Variants in FERMT2 observed in about 807,000 individuals in gnomAD.
The protein encoded by FERMT2 is FERM domain containing kindlin 2.
In FERMT2, 15 loss-of-function variants were observed where a neutral mutation model predicts 82.7. That is an observed-to-expected ratio of 0.18 (90% CI 0.12 to 0.28). FERMT2 has a LOEUF of 0.28. FERMT2 is among the 10% of genes least tolerant of loss of function. FERMT2 has a pLI of 1.00. For missense variants in FERMT2, 645 were observed against 809.4 expected, an observed-to-expected ratio of 0.80 and a Z score of 2.46; for synonymous variants, 274 against 271.5, an observed-to-expected ratio of 1.01 and a Z score of -0.09.
At chr14:52,881,704 A>G (rs187214457) in intron 4 of FERMT2, 17 of 1,177,364 alleles carry the variant, frequency 1.4e-5, no homozygotes, top group East Asian at 3.4e-5. Flanking sequence ...AATTCTGGGG[A>G]AAAAAAATCA....
At position 52,874,235 on chromosome 14, in the gene FERMT2, G is replaced by A. The variant is rs766610864; in HGVS notation, c.1099-9C>T. The A allele has an allele frequency of 6.4e-7, 1 of 1,560,460 alleles. No homozygotes were observed. Among genetic ancestry groups the A allele is most frequent in the Admixed American group, 1.9e-5 (1 of 52,004 alleles). On this transcript the variant is annotated splice_polypyrimidine_tract_variant and intron_variant, in intron 8 of 14. Coordinates refer to ENST00000341590, the MANE Select transcript of FERMT2 (RefSeq NM_006832.3). ...ATGGAAGTAATGTCACCCTAGGAGA[G>A]AGTTAAATCCTTTTTTAATTTTTTT...
chr14:52,908,821 C>T (rs998728930), intron 3 of FERMT2, among the ~76,000 whole-genome samples: 17 of 152,270 alleles, frequency 1.1e-4, no homozygotes, highest in South Asian at 4.1e-4. Flanking sequence ...GCTTATAAGA[C>T]GCCCCTTGGG....
chr14:52,889,435 A>C (rs1886803606), intron 4 of FERMT2, among the ~76,000 whole-genome samples: 1 of 152,212 alleles, frequency 6.6e-6, no homozygotes, highest in African/African-American at 2.4e-5. Flanking sequence ...GAACTGGGTG[A>C]AAAAGAACAA....
intron 2 of FERMT2, among the ~76,000 whole-genome samples, chr14:52,931,336 T>C (rs1317982884): frequency 6.6e-6 from 1 of 152,224 alleles, no homozygotes; most frequent in African/African-American, 2.4e-5. Context: ...ATGGCATTTT[T>C]ACCTGGGTCT....
At position 52,857,803 on chromosome 14, in the gene FERMT2, A is replaced by G. The variant is rs1167599055; in HGVS notation, c.*574T>C. On this transcript the variant is annotated 3_prime_UTR_variant, in exon 15 of 15. Coordinates refer to ENST00000341590, the MANE Select transcript of FERMT2 (RefSeq NM_006832.3). The stretch of plus-strand genomic sequence containing the variant: ...AAAATAAAAACACGAGACAATATAC[A>G]TAACATGCTTATTCAAGGACAAAAA... 1 of 153,336 alleles carries G rather than the reference A, an allele frequency of 6.5e-6. No individual in the cohort carries two copies. Among genetic ancestry groups the G allele is most frequent in the African/African-American group, 2.4e-5 (1 of 41,454 alleles). 9.5% of individuals were successfully genotyped at this position (153,336 alleles called of 1,614,324 possible).
chr14:52,923,205 T>TG (rs397730117), intron 2 of FERMT2, among the ~76,000 whole-genome samples: 42,904 of 150,388 alleles, frequency 0.29, 6,277 homozygotes, highest in South Asian at 0.37. Flanking sequence ...TGGTGGGGGT[T>TG]GGGGGGGGAA....
intron 2 of FERMT2, among the ~76,000 whole-genome samples, chr14:52,932,010 C>CA (rs1889603252): frequency 6.6e-6 from 1 of 152,128 alleles, no homozygotes; most frequent in Non-Finnish European, 1.5e-5. Flanking sequence ...GCCTAGGCGA[C>CA]AGAGCGAGAC....
chr14:52,891,923 G>A (rs1886954258), intron 4 of FERMT2, among the ~76,000 whole-genome samples: 1 of 152,084 alleles, frequency 6.6e-6, no homozygotes, highest in South Asian at 2.1e-4. Flanking sequence ...TTAGGTTCTG[G>A]TGACAAAAAG....
intron 4 of FERMT2, among the ~76,000 whole-genome samples, chr14:52,884,745 A>G (rs150850673): frequency 1.3e-5 from 2 of 152,184 alleles, no homozygotes; most frequent in Non-Finnish European, 2.9e-5. Context: ...TCATGCCTGT[A>G]ATCCCAGCAC....
intron 10 of FERMT2, among the ~76,000 whole-genome samples, chr14:52,866,751 C>T (rs1428054100): frequency 6.6e-6 from 1 of 152,220 alleles, no homozygotes. Flanking sequence ...AACTCCACCT[C>T]TTATGTCTCC....
Position 52,864,866 on chromosome 14 carries a change from AT to A in FERMT2, c.1274-14del. 1.4e-6 allele frequency: 2 copies of A among 1,457,982 alleles called. No homozygotes were observed. Among genetic ancestry groups the A allele is most frequent in the Non-Finnish European group, 1.9e-6 (2 of 1,051,054 alleles). The allele number at this position is 1,457,982 out of a possible 1,614,324, so 90.3% of individuals were successfully genotyped here. On this transcript the variant is annotated splice_polypyrimidine_tract_variant and intron_variant, in intron 10 of 14. Coordinates refer to ENST00000341590, the MANE Select transcript of FERMT2 (RefSeq NM_006832.3). ...GTAACTTCACATCCTGTAACAAAAA[AT>A]TTTTATTAAAATGGCTAAATTTACT... is the stretch of plus-strand genomic sequence containing the variant.
At chr14:52,876,149 A>G (rs141957960) in intron 7 of FERMT2, among the ~76,000 whole-genome samples, 48 of 152,364 alleles carry the variant, frequency 3.2e-4, no homozygotes, top group African/African-American at 9.9e-4. Flanking sequence ...CCAAATGTCT[A>G]AAGTATTCAT....
At chr14:52,858,630 A>G in intron 14 of FERMT2, 80 bp from the exon 15 acceptor site, 1 of 1,282,818 alleles carries the variant, frequency 7.8e-7, no homozygotes. Context: ...TGCTACTTAA[A>G]GTCTGTCATA....
At chr14:52,912,532 A>C (rs1007549461) in intron 3 of FERMT2, among the ~76,000 whole-genome samples, 3 of 144,732 alleles carry the variant, frequency 2.1e-5, no homozygotes, top group Non-Finnish European at 3.0e-5. Context: ...TTTTTTTGAG[A>C]CAGAGTCTTA....
rs538241189 is a variant in FERMT2, at chr14:52,907,526, G to A, written c.391+11597C>T. On this transcript the variant is annotated intron_variant, in intron 3 of 14. Coordinates refer to ENST00000341590, the MANE Select transcript of FERMT2 (RefSeq NM_006832.3). ...TTCACTGCTTTAGGGCGAAAATAACGTACTGTGGGGTTTAGCATATATAGG... is the reference window on the plus strand; with the variant it reads ...TTCACTGCTTTAGGGCGAAAATAACATACTGTGGGGTTTAGCATATATAGG... Among the ~76,000 whole-genome samples, 14 of 152,142 alleles carry A rather than the reference G, an allele frequency of 9.2e-5. No homozygotes were observed. In the South Asian group the frequency reaches 1.9e-3, roughly 20 times the overall value.
At chr14:52,886,412 G>T (rs1366931192) in intron 4 of FERMT2, among the ~76,000 whole-genome samples, 2 of 152,022 alleles carry the variant, frequency 1.3e-5, no homozygotes, top group African/African-American at 4.8e-5. Flanking sequence ...TGACCACCCA[G>T]GTTGAACTCC....
At chr14:52,919,650 G>A (rs1374912342) in intron 2 of FERMT2, among the ~76,000 whole-genome samples, 1 of 152,200 alleles carries the variant, frequency 6.6e-6, no homozygotes, top group Admixed American at 6.5e-5. Context: ...TCAGAAAACA[G>A]AATCCTGAGG....
chr14:52,887,483 T>TAA, intron 4 of FERMT2, among the ~76,000 whole-genome samples: 1 of 148,250 alleles, frequency 6.7e-6, no homozygotes, highest in South Asian at 2.1e-4. Context: ...CCCTGTCCCT[T>TAA]AAAAAAAAAA....
At position 52,927,590 on chromosome 14, in the gene FERMT2, T is replaced by TAAAAAAAAAA. The variant is rs1566755584; in HGVS notation, c.158-8235_158-8234insTTTTTTTTTT. Among the ~76,000 whole-genome samples the TAAAAAAAAAA allele has an allele frequency of 7.5e-3, 88 of 11,804 alleles. 1 individual carries two copies. The highest frequency in any genetic ancestry group is 0.021 in the African/African-American group (84 of 3,960). The allele number at this position is 11,804 out of a possible 152,430, so 7.7% of individuals were successfully genotyped here. ...GGGCAACATAGCAAAACCTCATCCC[T>TAAAAAAAAAA]ATAAAAAAAAAAAAAAAAAAAAAAA... On this transcript the variant is annotated intron_variant, in intron 2 of 14. Coordinates refer to ENST00000341590, the MANE Select transcript of FERMT2 (RefSeq NM_006832.3).
Sources: allele counts gnomAD v4.1 joint callset (sites outside exome capture counted in the v4.1 genomes callset), GRCh38; gene constraint gnomAD v4.1.1; transcripts MANE v1.5; gene names NCBI Gene and HGNC (gene_info 2026-07-23, HGNC 2026-07-21).